SSPN: variants seen among roughly 807,000 people sequenced by gnomAD.
The protein encoded by SSPN is K-ras oncogene-associated protein.
A neutral mutation model predicts 19.1 loss-of-function variants in SSPN; 15 were observed. That is an observed-to-expected ratio of 0.78 (90% CI 0.52 to 1.21). The LOEUF is 1.21. Ranked by LOEUF, SSPN falls within the 50% of genes most tolerant of loss-of-function variation. The pLI is 0.00. For synonymous variants in SSPN, 147 were observed against 140.3 expected (o/e 1.05, Z -0.34); for missense variants, 291 against 314.0 (o/e 0.93, Z 0.55).
upstream of SSPN, among the ~76,000 whole-genome samples, chr12:26,192,749 G>A (rs1419591355): frequency 6.6e-6 from 1 of 152,174 alleles, no homozygotes; most frequent in Non-Finnish European, 1.5e-5. Flanking sequence ...CAGTGCGTCT[G>A]GGATGTTGTT....
intron 2 of SSPN, among the ~76,000 whole-genome samples, chr12:26,227,444 C>T (rs1190285325): frequency 6.6e-6 from 1 of 152,094 alleles, no homozygotes; most frequent in Non-Finnish European, 1.5e-5. Context: ...CATGGTTTTT[C>T]TTTATGTTCT....
chr12:26,195,874 A>G lies in SSPN; in HGVS notation c.202A>G (p.Thr68Ala), dbSNP rs902128800. The change falls in exon 1 of 3, where the codon ACC becomes GCC. Residue 68 changes from threonine (T) to alanine (A), a missense_variant. Around this residue, in one of 3 missense-constraint regions of SSPN, gnomAD observed 139 missense variants for 119.6 expected, o/e 1.16. Transcript: ENST00000242729. Reference sequence around the variant, plus strand: ...GCAGCTGGCCCTGGGCATCGCCGTGACCGTGGTGGGCTTCCTCATGGCGAG... The same window carrying G: ...GCAGCTGGCCCTGGGCATCGCCGTGGCCGTGGTGGGCTTCCTCATGGCGAG... ...LLQLALGIAV[T>A]VVGFLMASIS... 26 of 1,573,626 alleles carry G rather than the reference A, an allele frequency of 1.7e-5. No individual in the cohort carries two copies. The highest frequency in any genetic ancestry group is 2.2e-5 in the Non-Finnish European group (26 of 1,163,404).
At chr12:26,153,500 G>A (rs992285878) in intron 1 of SSPN, among the ~76,000 whole-genome samples, 1 of 152,134 alleles carries the variant, frequency 6.6e-6, no homozygotes, top group African/African-American at 2.4e-5. Context: ...GCCCTGCTGT[G>A]TTCCATCACC....
At chr12:26,138,657 A>G (rs1271717578) in intron 1 of SSPN, among the ~76,000 whole-genome samples, 2 of 113,980 alleles carry the variant, frequency 1.8e-5, no homozygotes, top group Non-Finnish European at 3.2e-5. Flanking sequence ...ACATTGCACA[A>G]GGAAAGTCTA....
chr12:26,201,031 ATATATATATATATAT>A lies in SSPN; in HGVS notation c.279+5094_279+5108del, dbSNP rs1555179508. 2.9e-3 allele frequency among the ~76,000 whole-genome samples: 178 copies of A among 60,510 alleles called. 1 individual carries two copies. Among genetic ancestry groups the A allele is most frequent in the East Asian group, 0.019 (30 of 1,548 alleles). 39.7% of individuals were successfully genotyped at this position (60,510 alleles called of 152,430 possible). A position where few individuals can be genotyped will look rare whatever the true frequency, so the allele number is the denominator to read the frequency against. ...TTTGTGTATATATATATATATATAT[ATATATATATATATAT>A]TATATATATATATTTGGAAATAAAA... is the stretch of plus-strand genomic sequence containing the variant. On this transcript the variant is annotated intron_variant, in intron 1 of 2. Transcript: ENST00000242729.
chr12:26,148,720 T>C (rs923499262), intron 1 of SSPN, among the ~76,000 whole-genome samples: 12 of 152,224 alleles, frequency 7.9e-5, no homozygotes, highest in African/African-American at 2.9e-4. Flanking sequence ...AAAAGCTTGC[T>C]TTATGATGAA....
At chr12:26,198,790 A>C (rs1216500412) in intron 1 of SSPN, among the ~76,000 whole-genome samples, 2 of 152,168 alleles carry the variant, frequency 1.3e-5, no homozygotes, top group African/African-American at 2.4e-5. Flanking sequence ...TATAAAAATG[A>C]ACTTGGAGGA....
rs1444662521 is a variant in SSPN, at chr12:26,231,316, GA to G, written c.*242del. ...GATTTTGGGATATTAAAAGTTAACA[GA>G]ACACTGAACAAGGAAAGAATGGCAT... On this transcript the variant is annotated 3_prime_UTR_variant, in exon 3 of 3. Coordinates refer to ENST00000242729, the MANE Select transcript of SSPN (RefSeq NM_005086.5). 4 of 486,912 alleles carry G rather than the reference GA, an allele frequency of 8.2e-6. No homozygotes were observed. Among genetic ancestry groups the G allele is most frequent in the Non-Finnish European group, 1.4e-5 (4 of 291,938 alleles). 30.2% of individuals were successfully genotyped at this position (486,912 alleles called of 1,614,324 possible). A position where few individuals can be genotyped will look rare whatever the true frequency, so the allele number is the denominator to read the frequency against.
intron 1 of SSPN, among the ~76,000 whole-genome samples, chr12:26,161,899 G>A (rs1944591442): frequency 3.3e-5 from 5 of 152,198 alleles, no homozygotes; most frequent in Admixed American, 2.6e-4. Flanking sequence ...GGGAGCTCAG[G>A]CAGTAATGCT....
chr12:26,171,880 T>C (rs1263172037), intron 1 of SSPN, among the ~76,000 whole-genome samples: 1 of 152,172 alleles, frequency 6.6e-6, no homozygotes, highest in African/African-American at 2.4e-5. Context: ...GGAATTGGCA[T>C]CAGAAGCCAA....
chr12:26,188,029 T>C (rs1871556), intron 1 of SSPN, among the ~76,000 whole-genome samples: 150,595 of 152,328 alleles, frequency 0.99, 74,463 homozygotes, highest in Middle Eastern at 1. Context: ...TGATTATTGA[T>C]CCACACCAGG....
At chr12:26,172,751 A>C (rs959487702) in intron 1 of SSPN, among the ~76,000 whole-genome samples, 4 of 151,426 alleles carry the variant, frequency 2.6e-5, no homozygotes, top group African/African-American at 9.7e-5. Context: ...TGTTACATGG[A>C]ATCCACTTTC....
chr12:26,193,847 G>C (rs1045914608), upstream of SSPN, among the ~76,000 whole-genome samples: 6 of 152,206 alleles, frequency 3.9e-5, no homozygotes, highest in African/African-American at 9.7e-5. Context: ...CACTGGTCCA[G>C]ATGGAAGGCA....
chr12:26,143,932 C>T (rs1380806804), intron 1 of SSPN, among the ~76,000 whole-genome samples: 1 of 152,140 alleles, frequency 6.6e-6, no homozygotes, highest in Non-Finnish European at 1.5e-5. Flanking sequence ...TTATGAGAAT[C>T]TAATGCCTGA....
At position 26,195,906 on chromosome 12, in the gene SSPN, C is replaced by T. The variant is rs1181988882; in HGVS notation, c.234C>T (p.Ser78=). The T allele has an allele frequency of 1.3e-5, 20 of 1,575,846 alleles. No individual in the cohort carries two copies. The highest frequency in any genetic ancestry group is 7.0e-5 in the African/African-American group (5 of 71,938). The change falls in exon 1 of 3, where the codon AGC becomes AGT. Residue 78 remains serine, a synonymous_variant. Coordinates refer to ENST00000242729, the MANE Select transcript of SSPN (RefSeq NM_005086.5). ...TVVGFLMASI[S]SSLLVRDTPF... Reference sequence around the variant, plus strand: ...TGGGCTTCCTCATGGCGAGCATCAGCTCCTCCCTGCTAGTCAGGGACACTC... The same window carrying T: ...TGGGCTTCCTCATGGCGAGCATCAGTTCCTCCCTGCTAGTCAGGGACACTC...
intron 1 of SSPN, chr12:26,126,069 C>G (rs974980811): frequency 2.4e-4 from 36 of 152,232 alleles, no homozygotes; most frequent in African/African-American, 8.7e-4. Context: ...GTGATCCGAC[C>G]TGCCGCTGCT....
At chr12:26,193,018 A>C (rs1300930661), upstream of SSPN, among the ~76,000 whole-genome samples, 1 of 152,226 alleles carries the variant, frequency 6.6e-6, no homozygotes, top group East Asian at 1.9e-4. Flanking sequence ...TAGAACTTGT[A>C]TCTAGTTATA....
intron 1 of SSPN, chr12:26,124,865 G>C (rs894235547): frequency 1.5e-6 from 2 of 1,327,476 alleles, no homozygotes; most frequent in Non-Finnish European, 2.2e-6. Flanking sequence ...AGACCTTGGG[G>C]GGATCTGTGC....
At chr12:26,158,290 C>T (rs1944567601) in intron 1 of SSPN, among the ~76,000 whole-genome samples, 1 of 151,792 alleles carries the variant, frequency 6.6e-6, no homozygotes, top group African/African-American at 2.4e-5. Context: ...TCTCTGTCTT[C>T]CTTTCCTCCT....
Sources: gnomAD v4.1 joint callset for allele counts (sites outside exome capture counted in the v4.1 genomes callset) on GRCh38, gnomAD v4.1.1 for gene constraint, gnomAD v4.1.1 regional missense constraint, MANE v1.5 for transcripts, NCBI Gene and HGNC (gene_info 2026-07-23, HGNC 2026-07-21) for gene names.